Variants in TENT4A observed in about 807,000 individuals in gnomAD.
The protein encoded by TENT4A is terminal nucleotidyltransferase 4A.
TENT4A carries 7 observed loss-of-function variants against 72.8 expected under a neutral mutation model. That is an observed-to-expected ratio of 0.10 (90% confidence interval 0.05 to 0.18). TENT4A has a LOEUF of 0.18. Among genes scored for constraint, TENT4A ranks in the 10% least tolerant of loss-of-function variants. TENT4A has a pLI of 1.00. For missense variants in TENT4A, 831 were observed against 1,017.7 expected, an observed-to-expected ratio of 0.82 and a Z score of 2.50; for synonymous variants, 456 against 434.3, an observed-to-expected ratio of 1.05 and a Z score of -0.62.
At chr5:6,727,848 T>C (rs1004888469) in intron 1 of TENT4A, among the ~76,000 whole-genome samples, 8 of 151,906 alleles carry the variant, frequency 5.3e-5, no homozygotes, top group Non-Finnish European at 8.8e-5. Flanking sequence ...AGCTCTGCTG[T>C]CTGTATCAGC....
In TENT4A at chr5:6,740,336, G is replaced by A. The variant is rs551900544; in HGVS notation, c.1008+484G>A. ...GAAAAGCCTTTTATCTTTGGGGGAA[G>A]TTTGAAGATGAGACTGTTTCTGGTG... On this transcript the variant is annotated intron_variant, in intron 4 of 12. Coordinates refer to ENST00000230859, the MANE Select transcript of TENT4A (RefSeq NM_006999.6). Among the ~76,000 whole-genome samples the A allele has an allele frequency of 2.8e-4, 43 of 152,330 alleles. No homozygotes were observed. The South Asian group carries it at 8.3e-3, about 29-fold the overall frequency.
intron 1 of TENT4A, 97 bp from the exon 2 acceptor site, chr5:6,737,413 A>G (rs1301935685): frequency 8.7e-7 from 1 of 1,149,202 alleles, no homozygotes; most frequent in South Asian, 1.5e-5. Flanking sequence ...TTTCGTGGCC[A>G]GAAATATGTT....
chr5:6,739,307 G>T (rs1338367069), intron 3 of TENT4A, among the ~76,000 whole-genome samples: 1 of 152,204 alleles, frequency 6.6e-6, no homozygotes, highest in East Asian at 1.9e-4. Flanking sequence ...GGATTTGGGG[G>T]TTGACATTAG....
At chr5:6,747,762 A>G (rs1297374724) in intron 7 of TENT4A, among the ~76,000 whole-genome samples, 1 of 152,232 alleles carries the variant, frequency 6.6e-6, no homozygotes, top group Non-Finnish European at 1.5e-5. Flanking sequence ...TAGAACATAT[A>G]TCCTTTAAAA....
intron 12 of TENT4A, 56 bp downstream of exon 12, chr5:6,753,093 G>A (rs950469883): frequency 3.0e-5 from 44 of 1,470,524 alleles, no homozygotes; most frequent in African/African-American, 7.0e-5. Flanking sequence ...TGTGAGAGGC[G>A]GTGCTAAATG....
intron 1 of TENT4A, among the ~76,000 whole-genome samples, chr5:6,721,915 C>T (rs969023761): frequency 1.3e-5 from 2 of 152,124 alleles, no homozygotes; most frequent in African/African-American, 2.4e-5. Context: ...TCTGTCTTTC[C>T]GTTTGAAAGA....
Position 6,714,370 on chromosome 5 carries a change from G to A in TENT4A, c.387G>A (p.Ser129=). Residue 129 remains serine (S), a synonymous_variant, in exon 1 of 13, where the codon TCG becomes TCA. Transcript: ENST00000230859. ...AESGTESPGC[S]SSSSSSASLG... ...CGGGCACCGAGAGCCCCGGCTGCTCGTCGTCGTCCTCCAGCAGCGCCTCGC... is the reference window on the plus strand; with the variant it reads ...CGGGCACCGAGAGCCCCGGCTGCTCATCGTCGTCCTCCAGCAGCGCCTCGC... 3.5e-6 allele frequency: 4 copies of A among 1,136,976 alleles called. No homozygotes were observed. The highest frequency in any genetic ancestry group is 3.2e-6 in the Non-Finnish European group (3 of 928,240). The allele number at this position is 1,136,976 out of a possible 1,614,324, so 70.4% of individuals were successfully genotyped here.
Position 6,714,420 on chromosome 5 carries a change from G to C in TENT4A, c.437G>C (p.Gly146Ala). The C allele has an allele frequency of 8.6e-7, 1 of 1,156,272 alleles. No homozygotes were observed. The highest frequency in any genetic ancestry group is 4.7e-5 in the Admixed American group (1 of 21,082). The allele number at this position is 1,156,272 out of a possible 1,614,324, so 71.6% of individuals were successfully genotyped here. A position where few individuals can be genotyped will look rare whatever the true frequency, so the allele number is the denominator to read the frequency against. ...CTGGGCCGGCCGGGCGGCGGCCGCG[G>C]CGGCGCCTTCTTCAACTTCGCCGAC... ...ASLGRPGGGR[G>A]GAFFNFADGA... Residue 146 changes from glycine (G) to alanine (A), a missense_variant, in exon 1 of 13, where the codon GGC (glycine) becomes GCC (alanine). This residue lies in a region of TENT4A where 302 missense variants were observed against 293.8 expected (regional missense o/e 1.03). Transcript: ENST00000230859.
At position 6,713,896 on chromosome 5, in the gene TENT4A, T is replaced by TGCGC. The variant is rs1740218965; in HGVS notation, c.-82_-79dup. 5.4e-6 allele frequency: 2 copies of TGCGC among 367,218 alleles called. No homozygotes were observed. Among genetic ancestry groups the TGCGC allele is most frequent in the East Asian group, 3.6e-4 (2 of 5,626 alleles). The allele number at this position is 367,218 out of a possible 1,614,324, so 22.7% of individuals were successfully genotyped here. ...CGGCCCAGGCCCGTCCGTCCGTCCG[T>TGCGC]GCGCGCGCGGCCGGGCCTCGGGGCG... On this transcript the variant is annotated 5_prime_UTR_variant, in exon 1 of 13. Transcript: ENST00000230859.
At chr5:6,720,799 C>G (rs1215779315) in intron 1 of TENT4A, among the ~76,000 whole-genome samples, 2 of 152,150 alleles carry the variant, frequency 1.3e-5, no homozygotes, top group African/African-American at 4.8e-5. Flanking sequence ...CCTGCATTGG[C>G]TAGTTTAGGA....
intron 1 of TENT4A, among the ~76,000 whole-genome samples, chr5:6,732,310 C>T (rs1741254253): frequency 6.6e-6 from 1 of 152,242 alleles, no homozygotes; most frequent in African/African-American, 2.4e-5. Flanking sequence ...ATCCCATTAG[C>T]TCAGCTTCTA....
At chr5:6,749,508 C>T (rs376153626) in intron 8 of TENT4A, 49 bp from the exon 9 acceptor site, 11 of 1,251,138 alleles carry the variant, frequency 8.8e-6, no homozygotes, top group Non-Finnish European at 1.3e-5. Context: ...GTTCTCAGCT[C>T]CCTGACACCT....
chr5:6,750,038 A>G (rs539759393), intron 9 of TENT4A, among the ~76,000 whole-genome samples: 62 of 152,246 alleles, frequency 4.1e-4, no homozygotes, highest in Non-Finnish European at 8.2e-4. Context: ...TACTTATAGT[A>G]CATCCTAATT....
chr5:6,723,833 G>A (rs1438651523), intron 1 of TENT4A, among the ~76,000 whole-genome samples: 1 of 152,218 alleles, frequency 6.6e-6, no homozygotes. Flanking sequence ...GTACGCTCAG[G>A]TTCGTGCTTT....
chr5:6,736,752 C>T (rs1741526829), intron 1 of TENT4A, among the ~76,000 whole-genome samples: 1 of 152,200 alleles, frequency 6.6e-6, no homozygotes, highest in Non-Finnish European at 1.5e-5. Context: ...GTCTTCCAGG[C>T]CTTGCTCATG....
intron 1 of TENT4A, 42 bp downstream of exon 1, chr5:6,714,741 T>TGGTCCTGGCCGGCGCCCAC (rs1740274904): frequency 1.0e-6 from 1 of 1,000,804 alleles, no homozygotes; most frequent in Admixed American, 4.7e-5. Flanking sequence ...GCGGGGCCCA[T>TGGTCCTGGCCGGCGCCCAC]GGTCCTGGCC....
chr5:6,713,493 G>T lies in TENT4A; in HGVS notation c.-491G>T. On this transcript the variant is annotated 5_prime_UTR_variant, in exon 1 of 13. Coordinates refer to ENST00000230859, the MANE Select transcript of TENT4A (RefSeq NM_006999.6). Reference sequence around the variant, plus strand: ...ACCGCCGCCGCCGCCGCCGCCGCAGGAGCGCCGAGCCAGCGGCGCGAGCGT... The same window carrying T: ...ACCGCCGCCGCCGCCGCCGCCGCAGTAGCGCCGAGCCAGCGGCGCGAGCGT... 6.8e-6 allele frequency: 1 copy of T among 147,650 alleles called. No homozygotes were observed. The highest frequency in any genetic ancestry group is 2.0e-4 in the South Asian group (1 of 5,090). 9.1% of individuals were successfully genotyped at this position (147,650 alleles called of 1,614,324 possible).
At chr5:6,714,739 C>T in intron 1 of TENT4A, 40 bp downstream of exon 1, 26 of 1,138,234 alleles carry the variant, frequency 2.3e-5, no homozygotes, top group Non-Finnish European at 2.8e-5. Flanking sequence ...GGGCGGGGCC[C>T]ATGGTCCTGG....
intron 1 of TENT4A, among the ~76,000 whole-genome samples, chr5:6,736,397 G>GC (rs1741502175): frequency 6.6e-6 from 1 of 152,236 alleles, no homozygotes; most frequent in Admixed American, 6.5e-5. Flanking sequence ...CACTTTGCCA[G>GC]CTGTTCGTTG....
Sources: allele counts gnomAD v4.1 joint callset (sites outside exome capture counted in the v4.1 genomes callset), GRCh38; gene constraint gnomAD v4.1.1; regional missense constraint gnomAD v4.1.1; transcripts MANE v1.5; gene names NCBI Gene and HGNC (gene_info 2026-07-23, HGNC 2026-07-21).